TENM3: variants seen among roughly 807,000 people sequenced by gnomAD.
TENM3 encodes teneurin transmembrane protein 3.
Under a neutral mutation model 255.1 loss-of-function variants are expected in TENM3, and 63 were observed. That is an observed-to-expected ratio of 0.25 (90% CI 0.20 to 0.30). TENM3 has a LOEUF of 0.30. Among genes scored for constraint, TENM3 ranks in the 10% least tolerant of loss-of-function variants. TENM3 has a pLI of 1.00. For synonymous variants in TENM3, 1,306 were observed against 1,322.3 expected (o/e 0.99, Z 0.27); for missense variants, 2,929 against 3,461.1 (o/e 0.85, Z 3.86).
At position 182,663,317 on chromosome 4, in the gene TENM3, T is replaced by C. The variant is rs183718693; in HGVS notation, c.1111+9424T>C. On this transcript the variant is annotated intron_variant, in intron 6 of 27. Transcript: ENST00000511685. ...ATTTAAATTTATTTATTTTTTGAGA[T>C]CATACGTTTTAAAAAACCTGTTTTC... Among the ~76,000 whole-genome samples the C allele has an allele frequency of 3.7e-3, 561 of 152,196 alleles. 2 individuals carry two copies. Among genetic ancestry groups the C allele is most frequent in the African/African-American group, 0.012 (516 of 41,582 alleles).
At chr4:182,473,584 A>AATG (rs1185548273) in intron 3 of TENM3, among the ~76,000 whole-genome samples, 2 of 151,812 alleles carry the variant, frequency 1.3e-5, no homozygotes, top group African/African-American at 2.4e-5. Context: ...GAGGCAAGTG[A>AATG]ATGGCGTGAA....
intron 3 of TENM3, among the ~76,000 whole-genome samples, chr4:182,575,211 C>T (rs1744802934): frequency 6.6e-6 from 1 of 152,058 alleles, no homozygotes. Context: ...AAGATGTTAC[C>T]ATTGGGAGAA....
At chr4:181,953,473 C>T in the TENM3 span, among the ~76,000 whole-genome samples, 1 of 152,116 alleles carries the variant, frequency 6.6e-6, no homozygotes, top group Non-Finnish European at 1.5e-5. Flanking sequence ...GGCTGTCCTG[C>T]TACATCGATG....
At chr4:181,966,113 A>G in the TENM3 span, among the ~76,000 whole-genome samples, 5 of 152,202 alleles carry the variant, frequency 3.3e-5, no homozygotes, top group Non-Finnish European at 1.5e-5. Flanking sequence ...CTTTGCATAG[A>G]TAACAACAAA....
chr4:181,471,099 G>A, the TENM3 span, among the ~76,000 whole-genome samples: 2 of 151,944 alleles, frequency 1.3e-5, no homozygotes, highest in Admixed American at 1.3e-4. Context: ...CTCCTGGACT[G>A]GCATGACAAA....
chr4:182,506,858 A>G (rs558077593), intron 3 of TENM3, among the ~76,000 whole-genome samples: 2 of 152,302 alleles, frequency 1.3e-5, no homozygotes, highest in African/African-American at 4.8e-5. Context: ...TAAACGGTCA[A>G]TTCGATGGTT....
the TENM3 span, among the ~76,000 whole-genome samples, chr4:181,941,385 A>G: frequency 6.7e-6 from 1 of 149,924 alleles, no homozygotes; most frequent in Admixed American, 6.6e-5. Context: ...TGCATTCTGG[A>G]TGACTTCCTT....
chr4:181,987,215 G>A, the TENM3 span, among the ~76,000 whole-genome samples: 1 of 152,076 alleles, frequency 6.6e-6, no homozygotes, highest in Non-Finnish European at 1.5e-5. Flanking sequence ...GGCAAAGCCA[G>A]AATTTGAATC....
At chr4:182,396,991 A>G (rs1768870590) in intron 3 of TENM3, among the ~76,000 whole-genome samples, 2 of 151,862 alleles carry the variant, frequency 1.3e-5, no homozygotes, top group Non-Finnish European at 2.9e-5. Context: ...ATAGAATAAA[A>G]TAAAATAAAT....
chr4:182,364,166 G>A (rs1002939272), intron 3 of TENM3, among the ~76,000 whole-genome samples: 1 of 151,746 alleles, frequency 6.6e-6, no homozygotes, highest in Non-Finnish European at 1.5e-5. Flanking sequence ...GATGGGATAC[G>A]ACAGATGTGA....
chr4:182,158,353 G>T (rs936444844), intron 1 of TENM3, among the ~76,000 whole-genome samples: 1 of 152,160 alleles, frequency 6.6e-6, no homozygotes, highest in Non-Finnish European at 1.5e-5. Flanking sequence ...TTGGCAGTTG[G>T]GCTACCAGTT....
At chr4:182,161,846 TACACAAA>T (rs1751319443) in intron 1 of TENM3, among the ~76,000 whole-genome samples, 1 of 77,836 alleles carries the variant, frequency 1.3e-5, no homozygotes. Flanking sequence ...TGTGTATATA[TACACAAA>T]TATATATGTG....
the TENM3 span, among the ~76,000 whole-genome samples, chr4:182,101,441 A>G: frequency 1.7e-3 from 257 of 152,256 alleles, 1 homozygote; most frequent in Admixed American, 6.2e-3. Flanking sequence ...GCCCTTTTCC[A>G]TGGCATCTCG....
chr4:182,079,290 G>A, the TENM3 span, among the ~76,000 whole-genome samples: 1 of 152,152 alleles, frequency 6.6e-6, no homozygotes, highest in Admixed American at 6.5e-5. Context: ...GCCGAGGCGG[G>A]CAGATCATGA....
the TENM3 span, among the ~76,000 whole-genome samples, chr4:181,847,935 A>C: frequency 2.0e-5 from 3 of 152,172 alleles, no homozygotes; most frequent in African/African-American, 7.2e-5. Flanking sequence ...AAAAGACTAA[A>C]ATTCACAATG....
the TENM3 span, among the ~76,000 whole-genome samples, chr4:181,967,460 G>T: frequency 1.3e-5 from 2 of 151,772 alleles, no homozygotes; most frequent in African/African-American, 4.8e-5. Context: ...AATTTTTTTT[G>T]GAAATGTCCA....
chr4:182,763,514 C>G (rs1035502613), intron 22 of TENM3, among the ~76,000 whole-genome samples: 14 of 151,130 alleles, frequency 9.3e-5, no homozygotes, highest in Non-Finnish European at 5.9e-5. Context: ...GCAGTGAGCC[C>G]AGATCGTGCC....
At chr4:181,647,838 AAG>A in the TENM3 span, among the ~76,000 whole-genome samples, 1 of 152,222 alleles carries the variant, frequency 6.6e-6, no homozygotes, top group East Asian at 1.9e-4. Flanking sequence ...AGCGAGTCTG[AAG>A]AGAGAGAGGG....
At chr4:181,707,449 T>G in the TENM3 span, among the ~76,000 whole-genome samples, 1 of 152,184 alleles carries the variant, frequency 6.6e-6, no homozygotes, top group East Asian at 1.9e-4. Flanking sequence ...GAAACACCAG[T>G]ATAATATAAT....
Sources: gnomAD v4.1 joint callset for allele counts (sites outside exome capture counted in the v4.1 genomes callset) on GRCh38, gnomAD v4.1.1 for gene constraint, MANE v1.5 for transcripts, NCBI Gene and HGNC (gene_info 2026-07-23, HGNC 2026-07-21) for gene names.